ATRIP: variants seen among roughly 807,000 people sequenced by gnomAD.
The protein encoded by ATRIP is ATR interacting protein.
A neutral mutation model predicts 78.1 loss-of-function variants in ATRIP; 44 were observed. The observed-to-expected ratio is 0.56, with a 90% CI of 0.44 to 0.72. The LOEUF (loss-of-function observed/expected upper bound fraction) is 0.72. Among genes scored for constraint, ATRIP ranks in the 30% least tolerant of loss-of-function variants. The pLI is 0.00. For synonymous variants in ATRIP, 388 were observed against 408.9 expected (o/e 0.95, Z 0.62); for missense variants, 927 against 980.2 (o/e 0.95, Z 0.72).
chr3:48,457,461 T>G, intron 5 of ATRIP, 45 bp downstream of exon 5: 1 of 1,379,372 alleles, frequency 7.2e-7, no homozygotes, highest in Non-Finnish European at 9.6e-7. Flanking sequence ...GCTACCCAAA[T>G]ATGTGGCTTA....
At chr3:48,451,648 C>A in intron 2 of ATRIP, 81 bp from the exon 3 acceptor site, 2 of 1,217,424 alleles carry the variant, frequency 1.6e-6, no homozygotes, top group African/African-American at 1.5e-5. Flanking sequence ...CTTTCTCCAT[C>A]TCCCCAACTA....
At chr3:48,449,944 GAAAA>G (rs377674597) in intron 1 of ATRIP, 89 bp from the exon 2 acceptor site, 128 of 1,122,650 alleles carry the variant, frequency 1.1e-4, no homozygotes, top group Non-Finnish European at 1.4e-4. Context: ...TCTCAAAAAA[GAAAA>G]AAAAAAAAAA....
At chr3:48,447,119 C>A in intron 1 of ATRIP, 27 bp downstream of exon 1, 2 of 1,474,478 alleles carry the variant, frequency 1.4e-6, no homozygotes, top group South Asian at 1.3e-5. Context: ...GCCTTTTGCT[C>A]GGAGGGAGTT....
In ATRIP at chr3:48,465,696, GA is replaced by G; in HGVS notation, c.*143del. On this transcript the variant is annotated 3_prime_UTR_variant, in exon 13 of 13. Transcript: ENST00000320211. ...GAGTCTGATCTGTTTGGCGGAGTGGGAGGGGTGGAGCAGGACCCGGACCCTG... is the reference window on the plus strand; with the variant it reads ...GAGTCTGATCTGTTTGGCGGAGTGGGGGGGTGGAGCAGGACCCGGACCCTG... The G allele has an allele frequency of 1.2e-6, 1 of 838,736 alleles. No homozygotes were observed. The highest frequency in any genetic ancestry group is 2.8e-5 in the East Asian group (1 of 35,868). The allele number at this position is 838,736 out of a possible 1,614,324, so 52.0% of individuals were successfully genotyped here. A position where few individuals can be genotyped will look rare whatever the true frequency, so the allele number is the denominator to read the frequency against.
At chr3:48,450,388 A>G (rs946702092) in intron 2 of ATRIP, 7 of 992,848 alleles carry the variant, frequency 7.1e-6, no homozygotes, top group Non-Finnish European at 1.0e-5. Context: ...ACTGTATACC[A>G]GATCCAAAAA....
At position 48,451,677 on chromosome 3, in the gene ATRIP, C is replaced by T. The variant is rs541108999; in HGVS notation, c.382-52C>T. On this transcript the variant is annotated intron_variant, in intron 2 of 12. Transcript: ENST00000320211. ...CCAACTACATGTTAAAACAAAGTAC[C>T]TAAGTAGTTTTCTCTTACAAAGTTT... is the stretch of plus-strand genomic sequence containing the variant. 5 of 1,482,098 alleles carry T rather than the reference C, an allele frequency of 3.4e-6. No homozygotes were observed. The East Asian group carries it at 9.2e-5, about 27-fold the overall frequency. 91.8% of individuals were successfully genotyped at this position (1,482,098 alleles called of 1,614,324 possible). A position where few individuals can be genotyped will look rare whatever the true frequency, so the allele number is the denominator to read the frequency against.
chr3:48,447,438 C>A, intron 1 of ATRIP: 1 of 1,020,482 alleles, frequency 9.8e-7, no homozygotes. Context: ...GGGACCCATT[C>A]TTGTGACAAG....
rs1243737931 is a variant in ATRIP at position 48,459,779 on chromosome 3, T to C, written c.926-8T>C. Reference sequence around the variant, plus strand: ...CAGAACCTTCTAGAGTCATCTTGTCTTCTGCAGGTTCCATTTTGATAAACC... The same window carrying C: ...CAGAACCTTCTAGAGTCATCTTGTCCTCTGCAGGTTCCATTTTGATAAACC... On this transcript the variant is annotated splice_polypyrimidine_tract_variant and splice_region_variant and intron_variant, in intron 6 of 12. Coordinates refer to ENST00000320211, the MANE Select transcript of ATRIP (RefSeq NM_130384.3). 1 of 1,609,816 alleles carries C rather than the reference T, an allele frequency of 6.2e-7. No homozygotes were observed. The highest frequency in any genetic ancestry group is 1.3e-5 in the African/African-American group (1 of 74,588).
intron 3 of ATRIP, among the ~76,000 whole-genome samples, chr3:48,452,920 T>C (rs1337197445): frequency 1.4e-5 from 2 of 145,082 alleles, no homozygotes; most frequent in East Asian, 2.1e-4. Context: ...GGTTTCACTC[T>C]CTTGCCCAGG....
intron 4 of ATRIP, among the ~76,000 whole-genome samples, chr3:48,456,698 C>T (rs1206110867): frequency 2.0e-5 from 3 of 151,794 alleles, no homozygotes; most frequent in South Asian, 2.1e-4. Flanking sequence ...TTGCTTGAGC[C>T]CAGGAGGTCA....
At chr3:48,464,159 C>T (rs751281945) in intron 10 of ATRIP, 27 bp downstream of exon 10, 1 of 1,528,058 alleles carries the variant, frequency 6.5e-7, no homozygotes, top group Non-Finnish European at 9.1e-7. Flanking sequence ...CCCTTCTGGA[C>T]ACTGTCCCCA....
chr3:48,464,970 A>G lies in ATRIP; in HGVS notation c.2195A>G (p.Gln732Arg), dbSNP rs1187687789. Residue 732 changes from glutamine (Q) to arginine (R), a missense_variant, in exon 12 of 13, where the codon CAG becomes CGG. Transcript: ENST00000320211. ...DTVLLLHGLS[Q>R]KDKLFMMHCV... ...GTGCTGCTGCTGCACGGCCTATCGC[A>G]GAAGGACAAGCTCTTCATGATGCAC... 3.7e-6 allele frequency: 6 copies of G among 1,614,164 alleles called. No homozygotes were observed. The highest frequency in any genetic ancestry group is 4.2e-6 in the Non-Finnish European group (5 of 1,180,020).
At chr3:48,460,830 T>C in intron 8 of ATRIP, 31 bp downstream of exon 8, 1 of 1,557,744 alleles carries the variant, frequency 6.4e-7, no homozygotes, top group Non-Finnish European at 8.7e-7. Flanking sequence ...CATGATTCTT[T>C]GTGGGTCTCA....
In ATRIP at chr3:48,446,914, G is replaced by GCCGGGCA; in HGVS notation, c.79_85dup (p.Pro29ArgfsTer20). ...CCCCGGCGCCTCGCCCCGGCCCGCC[G>GCCGGGCA]CCGGGCACCGGGCACCCCCCGAGCA... On this transcript the variant is annotated frameshift_variant, in exon 1 of 13. Transcript: ENST00000320211. LOFTEE classifies it high-confidence loss of function. 1 of 1,401,060 alleles carries GCCGGGCA rather than the reference G, an allele frequency of 7.1e-7. No individual in the cohort carries two copies. The highest frequency in any genetic ancestry group is 3.6e-5 in the Admixed American group (1 of 28,072). 86.8% of individuals were successfully genotyped at this position (1,401,060 alleles called of 1,614,324 possible).
intron 2 of ATRIP, among the ~76,000 whole-genome samples, chr3:48,451,001 C>T (rs1291029570): frequency 6.6e-6 from 1 of 151,280 alleles, no homozygotes; most frequent in East Asian, 2.0e-4. Flanking sequence ...CCAGCCTGGC[C>T]AACATGGTGA....
rs374806913 is a variant in ATRIP at position 48,460,699 on chromosome 3, T to G, written c.1645T>G (p.Ser549Ala). ...GATGCTTCTTCACCTGTTGGCTTTCTCTTCTGCAGCAACAGGTCACCTTCA... is the reference window on the plus strand; with the variant it reads ...GATGCTTCTTCACCTGTTGGCTTTCGCTTCTGCAGCAACAGGTCACCTTCA... ...LKMLLHLLAFSSAATGHLQAS... is the reference protein window; with the variant it reads ...LKMLLHLLAFASAATGHLQAS... The change falls in exon 8 of 13, where the codon TCT becomes GCT. Residue 549 changes from serine (S) to alanine (A), a missense_variant. Coordinates refer to ENST00000320211, the MANE Select transcript of ATRIP (RefSeq NM_130384.3). The G allele has an allele frequency of 2.9e-5, 46 of 1,613,992 alleles. No individual in the cohort carries two copies. The highest frequency in any genetic ancestry group is 3.6e-5 in the Non-Finnish European group (43 of 1,179,930).
At position 48,466,189 on chromosome 3, in the gene ATRIP, C is replaced by T. The variant is rs2040285568; in HGVS notation, c.*635C>T. On this transcript the variant is annotated 3_prime_UTR_variant, in exon 13 of 13. Coordinates refer to ENST00000320211, the MANE Select transcript of ATRIP (RefSeq NM_130384.3). ...AGGCAGGCTGACGAGCAGGGCGGGC[C>T]TGGCTCACGTGGGCCTGTAGGCGGG... The T allele has an allele frequency of 1.9e-5, 10 of 532,728 alleles. No homozygotes were observed. The highest frequency in any genetic ancestry group is 3.4e-5 in the Non-Finnish European group (10 of 292,298). 33.0% of individuals were successfully genotyped at this position (532,728 alleles called of 1,614,324 possible).
chr3:48,454,461 A>G (rs1476465543), intron 4 of ATRIP, 43 bp downstream of exon 4: 2 of 1,486,196 alleles, frequency 1.3e-6, no homozygotes, highest in Non-Finnish European at 1.9e-6. Flanking sequence ...TGCATTATTT[A>G]GTAAAAAATC....
chr3:48,447,425 A>G (rs1316563971), intron 1 of ATRIP: 4 of 1,030,864 alleles, frequency 3.9e-6, no homozygotes, highest in Non-Finnish European at 4.6e-6. Context: ...CTACCCATGC[A>G]TGGGGACCCA....
Sources: allele counts gnomAD v4.1 joint callset (sites outside exome capture counted in the v4.1 genomes callset), GRCh38; gene constraint gnomAD v4.1.1; transcripts MANE v1.5; gene names NCBI Gene and HGNC (gene_info 2026-07-23, HGNC 2026-07-21).